SLC27A6: variants seen among roughly 807,000 people sequenced by gnomAD.
SLC27A6 encodes the protein solute carrier family 27 member 6, also known as long-chain fatty acid transport protein 6.
A neutral mutation model predicts 63.9 loss-of-function variants in SLC27A6; 74 were observed. That is an observed-to-expected ratio of 1.16 (90% CI 0.96 to 1.40). The LOEUF (loss-of-function observed/expected upper bound fraction) is 1.40. Among genes scored for constraint, SLC27A6 ranks in the 40% most tolerant of loss-of-function variants. SLC27A6 has a pLI of 0.00. For synonymous variants in SLC27A6, 287 were observed against 260.8 expected, an observed-to-expected ratio of 1.10 and a Z score of -0.97; for missense variants, 794 against 732.9, an observed-to-expected ratio of 1.08 and a Z score of -0.96.
rs543473952 is a variant in SLC27A6, at chr5:129,018,618, A to G, written c.1164+2539A>G. On this transcript the variant is annotated intron_variant, in intron 5 of 9. Coordinates refer to ENST00000262462, the MANE Select transcript of SLC27A6 (RefSeq NM_001017372.3). ...GCAGTTAATTTTCTCAGTTAATTGC[A>G]CTGGTTCCATTACAAATTTGGTATT... 7.1e-4 allele frequency among the ~76,000 whole-genome samples: 108 copies of G among 152,240 alleles called. 1 individual carries two copies. Among genetic ancestry groups the G allele is most frequent in the African/African-American group, 2.5e-3 (105 of 41,562 alleles).
At chr5:128,984,257 G>T (rs1415827451) in intron 1 of SLC27A6, among the ~76,000 whole-genome samples, 1 of 152,194 alleles carries the variant, frequency 6.6e-6, no homozygotes, top group Admixed American at 6.5e-5. Context: ...TGATGACATT[G>T]TTTCTTTTGT....
At chr5:128,983,258 T>C (rs1750670967) in intron 1 of SLC27A6, among the ~76,000 whole-genome samples, 1 of 151,890 alleles carries the variant, frequency 6.6e-6, no homozygotes, top group South Asian at 2.1e-4. Context: ...GTCCACATTT[T>C]CATGTACAGA....
chr5:128,985,035 T>G, intron 1 of SLC27A6, 98 bp from the exon 2 acceptor site: 1 of 768,700 alleles, frequency 1.3e-6, no homozygotes, highest in Non-Finnish European at 2.1e-6. Context: ...AGCATTTTAT[T>G]TACATTTTAT....
intron 1 of SLC27A6, among the ~76,000 whole-genome samples, chr5:128,978,930 C>G (rs1401982226): frequency 2.6e-5 from 4 of 152,066 alleles, no homozygotes; most frequent in Non-Finnish European, 5.9e-5. Flanking sequence ...GCAGTGTTTT[C>G]AGTACAGTAA....
At chr5:129,006,495 T>C (rs1392519232) in intron 4 of SLC27A6, among the ~76,000 whole-genome samples, 2 of 151,540 alleles carry the variant, frequency 1.3e-5, no homozygotes, top group East Asian at 1.9e-4. Context: ...TGTGTGTCTG[T>C]GTGTGAGTGC....
At chr5:128,991,450 A>T (rs1464274112) in intron 4 of SLC27A6, among the ~76,000 whole-genome samples, 1 of 152,220 alleles carries the variant, frequency 6.6e-6, no homozygotes, top group African/African-American at 2.4e-5. Flanking sequence ...AGAATGTACT[A>T]ATGTGCTTTG....
chr5:129,011,147 TTATC>T (rs759414352), intron 4 of SLC27A6, among the ~76,000 whole-genome samples: 3 of 152,210 alleles, frequency 2.0e-5, no homozygotes, highest in Non-Finnish European at 4.4e-5. Flanking sequence ...ATTTATGTAT[TTATC>T]TTGGTAGATA....
intron 3 of SLC27A6, 54 bp downstream of exon 3, chr5:128,988,812 A>G: frequency 7.2e-7 from 1 of 1,388,650 alleles, no homozygotes; most frequent in Non-Finnish European, 1.0e-6. Context: ...TAATTAGAAC[A>G]AGTATTTATT....
At chr5:128,985,983 A>G (rs955931336) in intron 2 of SLC27A6, among the ~76,000 whole-genome samples, 5 of 152,154 alleles carry the variant, frequency 3.3e-5, no homozygotes, top group African/African-American at 4.8e-5. Context: ...TTTTAAGTAA[A>G]CAACAGCAAT....
intron 7 of SLC27A6, among the ~76,000 whole-genome samples, chr5:129,027,980 A>G (rs1304355348): frequency 1.3e-5 from 2 of 152,126 alleles, no homozygotes. Context: ...CTAAAAGACA[A>G]CTAGAGCTTT....
intron 1 of SLC27A6, among the ~76,000 whole-genome samples, chr5:128,970,545 T>C (rs1750107095): frequency 6.6e-6 from 1 of 152,212 alleles, no homozygotes; most frequent in African/African-American, 2.4e-5. Context: ...TTTATTTGCG[T>C]AGAGGTGTTT....
chr5:129,030,614 A>G (rs1752387242), intron 9 of SLC27A6, among the ~76,000 whole-genome samples: 2 of 152,020 alleles, frequency 1.3e-5, no homozygotes, highest in Non-Finnish European at 2.9e-5. Flanking sequence ...CTGAAACACT[A>G]AAGGTAAGTA....
In SLC27A6 at chr5:128,985,355, G is replaced by A; in HGVS notation, c.685+19G>A. On this transcript the variant is annotated intron_variant, in intron 2 of 9. Coordinates refer to ENST00000262462, the MANE Select transcript of SLC27A6 (RefSeq NM_001017372.3). ...ACAACAGGTATGATCCAATTCTTTTGAAGGCTAAAATGAATGCGAGAAATT... is the reference window on the plus strand; with the variant it reads ...ACAACAGGTATGATCCAATTCTTTTAAAGGCTAAAATGAATGCGAGAAATT... 6.2e-7 allele frequency: 1 copy of A among 1,606,732 alleles called. No homozygotes were observed. The highest frequency in any genetic ancestry group is 8.5e-7 in the Non-Finnish European group (1 of 1,173,646).
chr5:129,005,145 G>GT (rs946883034), intron 4 of SLC27A6, among the ~76,000 whole-genome samples: 11 of 151,288 alleles, frequency 7.3e-5, no homozygotes, highest in South Asian at 2.1e-4. Flanking sequence ...ATAAACAGCT[G>GT]TTTTTTTTTA....
chr5:128,993,027 A>G (rs749643159), intron 4 of SLC27A6, among the ~76,000 whole-genome samples: 4 of 152,246 alleles, frequency 2.6e-5, no homozygotes, highest in Non-Finnish European at 5.9e-5. Flanking sequence ...TCTTCATGCA[A>G]TTGAGCTAAT....
At chr5:129,026,553 C>T (rs941532508) in intron 6 of SLC27A6, among the ~76,000 whole-genome samples, 1 of 151,998 alleles carries the variant, frequency 6.6e-6, no homozygotes, top group Non-Finnish European at 1.5e-5. Context: ...ATACAGAAAC[C>T]TTGCCACACA....
intron 9 of SLC27A6, among the ~76,000 whole-genome samples, chr5:129,030,640 G>C (rs916804864): frequency 6.6e-6 from 1 of 151,942 alleles, no homozygotes; most frequent in African/African-American, 2.4e-5. Flanking sequence ...GAAAAAAGAA[G>C]TAATATATTT....
rs1183969049 is a variant in SLC27A6, at chr5:129,016,434, C to A, written c.1164+355C>A. ...AAAAAAAAAAGGAGCACCTTGTGGT[C>A]TGCCAGCACTCTTCTAGATACTATG... On this transcript the variant is annotated intron_variant, in intron 5 of 9. Transcript: ENST00000262462. 2.1e-5 allele frequency among the ~76,000 whole-genome samples: 3 copies of A among 142,800 alleles called. No homozygotes were observed. The Admixed American group carries it at 2.1e-4, about 10-fold the overall frequency. The allele number at this position is 142,800 out of a possible 152,430, so 93.7% of individuals were successfully genotyped here. A position where few individuals can be genotyped will look rare whatever the true frequency, so the allele number is the denominator to read the frequency against.
At chr5:129,027,564 C>G (rs762874867) in intron 7 of SLC27A6, among the ~76,000 whole-genome samples, 10 of 152,012 alleles carry the variant, frequency 6.6e-5, no homozygotes, top group Non-Finnish European at 1.3e-4. Flanking sequence ...AATCAGTGAG[C>G]TCCTTTTTAA....
Sources: gnomAD v4.1 joint callset for allele counts (sites outside exome capture counted in the v4.1 genomes callset) on GRCh38, gnomAD v4.1.1 for gene constraint, MANE v1.5 for transcripts, NCBI Gene and HGNC (gene_info 2026-07-23, HGNC 2026-07-21) for gene names.